The following CYFIP1 variants were observed in gnomAD, a reference collection of about 807,000 sequenced individuals.
The protein encoded by CYFIP1 is cytoplasmic FMR1-interacting protein 1.
Under a neutral mutation model 163.5 loss-of-function variants are expected in CYFIP1, and 58 were observed. The ratio of observed to expected loss-of-function variants is 0.35; its 90% CI spans 0.29 to 0.44. The LOEUF (loss-of-function observed/expected upper bound fraction) is 0.44. Among genes scored for constraint, CYFIP1 ranks in the 20% least tolerant of loss-of-function variants. The pLI is 1.00. For missense variants in CYFIP1, 1,338 were observed against 1,653.8 expected (o/e 0.81, Z 3.31); for synonymous variants, 663 against 660.7 (o/e 1.00, Z -0.05).
chr15:22,923,772 A>G (rs915294742), intron 13 of CYFIP1, among the ~76,000 whole-genome samples: 1 of 151,842 alleles, frequency 6.6e-6, no homozygotes, highest in African/African-American at 2.4e-5. Context: ...GTGAGACCCC[A>G]TCTCTACAAA....
intron 23 of CYFIP1, among the ~76,000 whole-genome samples, chr15:22,885,823 G>A (rs1365244968): frequency 3.9e-5 from 6 of 152,180 alleles, no homozygotes; most frequent in East Asian, 1.9e-4. Context: ...GGAGCCCTCC[G>A]AACTGTTCCA....
chr15:22,942,490 C>T (rs942641677), intron 6 of CYFIP1, among the ~76,000 whole-genome samples: 25 of 152,096 alleles, frequency 1.6e-4, no homozygotes, highest in African/African-American at 5.8e-4. Context: ...GAACGCCGGT[C>T]GGCAGCGCGC....
intron 1 of CYFIP1, among the ~76,000 whole-genome samples, chr15:22,954,167 G>A (rs1325292266): frequency 6.6e-6 from 1 of 152,168 alleles, no homozygotes; most frequent in African/African-American, 2.4e-5. Flanking sequence ...TCAGAGCAGG[G>A]CAATGCGTGA....
chr15:22,924,831 G>A (rs892904354), intron 13 of CYFIP1, among the ~76,000 whole-genome samples: 2 of 152,066 alleles, frequency 1.3e-5, no homozygotes, highest in East Asian at 1.9e-4. Flanking sequence ...CAGCACTTTC[G>A]GAGGCTGAGG....
chr15:22,882,067 G>T, intron 24 of CYFIP1, 131 bp from the exon 25 acceptor site: 1 of 736,074 alleles, frequency 1.4e-6, no homozygotes, highest in Non-Finnish European at 2.2e-6. Flanking sequence ...GGATCGTCTG[G>T]CTGGGGAATA....
chr15:22,944,975 G>A (rs1242664225), intron 3 of CYFIP1, 36 bp from the exon 4 acceptor site: 12 of 1,585,546 alleles, frequency 7.6e-6, no homozygotes, highest in Non-Finnish European at 1.0e-5. Context: ...AAGGCAGGCG[G>A]GGGAACTAGC....
intron 23 of CYFIP1, 73 bp from the exon 24 acceptor site, chr15:22,883,084 T>C (rs991997498): frequency 6.5e-7 from 1 of 1,544,978 alleles, no homozygotes; most frequent in Non-Finnish European, 8.8e-7. Flanking sequence ...TGTGAGAAGA[T>C]CACTCAACAC....
intron 11 of CYFIP1, among the ~76,000 whole-genome samples, chr15:22,928,997 T>C (rs1475039512): frequency 2.6e-5 from 4 of 151,872 alleles, no homozygotes; most frequent in South Asian, 4.2e-4. Context: ...GGCAGGTGGA[T>C]TGCCTGAGGT....
chr15:22,874,514 G>T, intron 28 of CYFIP1, 36 bp downstream of exon 28: 1 of 1,503,986 alleles, frequency 6.6e-7, no homozygotes, highest in South Asian at 1.3e-5. Flanking sequence ...TGGATGCCCA[G>T]CTTGCAACAG....
intron 1 of CYFIP1, among the ~76,000 whole-genome samples, chr15:22,966,291 C>G (rs542551006): frequency 6.6e-6 from 1 of 151,088 alleles, no homozygotes; most frequent in Admixed American, 6.6e-5. Flanking sequence ...GAGAATCGCT[C>G]GAACCCGGGA....
intron 26 of CYFIP1, among the ~76,000 whole-genome samples, chr15:22,877,087 T>C (rs1335189184): frequency 1.3e-5 from 2 of 152,164 alleles, no homozygotes; most frequent in Non-Finnish European, 2.9e-5. Flanking sequence ...CCAAAACTCA[T>C]GGTGAAATTT....
chr15:22,874,592 C>T lies in CYFIP1; in HGVS notation c.3168G>A (p.Pro1056=), dbSNP rs762924760. 5.4e-5 allele frequency: 87 copies of T among 1,606,886 alleles called. No individual in the cohort carries two copies. The highest frequency in any genetic ancestry group is 2.0e-4 in the East Asian group (9 of 44,336). ...KMKRLESKYA[P]LHLVPLIERL... is the part of the protein sequence containing the mutation. ...TTTCAATCAGTGGGACAAGATGCAG[C>T]GGGGCGTACTTTGATTCTAGTCTTT... Residue 1056 remains proline (P), a synonymous_variant, in exon 28 of 31, where the codon CCG becomes CCA. Coordinates refer to ENST00000617928, the MANE Select transcript of CYFIP1 (RefSeq NM_014608.6).
chr15:22,957,057 G>A (rs2062485922), intron 1 of CYFIP1, among the ~76,000 whole-genome samples: 1 of 152,240 alleles, frequency 6.6e-6, no homozygotes, highest in African/African-American at 2.4e-5. Context: ...AAATGCAGAA[G>A]CGAAGGCGTC....
chr15:22,980,131 CGGAGGCCGCGCCGCCGG>C lies in CYFIP1; in HGVS notation c.-7+139_-7+155del, dbSNP rs1282357861. On this transcript the variant is annotated intron_variant, in intron 1 of 30. Coordinates refer to ENST00000617928, the MANE Select transcript of CYFIP1 (RefSeq NM_014608.6). ...GGGGACGCGGGGACCAGGACGATCCCGGAGGCCGCGCCGCCGGGGAGGCCGCGCCGCCGGGGTTGGGG... is the reference window on the plus strand; with the variant it reads ...GGGGACGCGGGGACCAGGACGATCCCGGAGGCCGCGCCGCCGGGGTTGGGG... 9.3e-3 allele frequency among the ~76,000 whole-genome samples: 966 copies of C among 104,020 alleles called. 16 individuals are homozygous for C. In the South Asian group the frequency reaches 0.095, roughly 10 times the overall value. The allele number at this position is 104,020 out of a possible 152,430, so 68.2% of individuals were successfully genotyped here.
rs1436589694 is a variant in CYFIP1, at chr15:22,877,876, G to C, written c.3042+2037C>G. ...ATGGAGGCTGTCAGCTCCCAGGCGTGTCACGCCTGACCTCGGACTCCCCTG... is the reference window on the plus strand; with the variant it reads ...ATGGAGGCTGTCAGCTCCCAGGCGTCTCACGCCTGACCTCGGACTCCCCTG... On this transcript the variant is annotated intron_variant, in intron 26 of 30. Transcript: ENST00000617928. Among the ~76,000 whole-genome samples the C allele has an allele frequency of 1.3e-5, 2 of 152,260 alleles. 1 individual carries two copies. The highest frequency in any genetic ancestry group is 1.3e-4 in the Admixed American group (2 of 15,288).
intron 21 of CYFIP1, among the ~76,000 whole-genome samples, chr15:22,905,984 C>T (rs974586302): frequency 6.6e-6 from 1 of 152,066 alleles, no homozygotes; most frequent in Non-Finnish European, 1.5e-5. Flanking sequence ...TGGTCTTGAT[C>T]TCCTGACCTC....
chr15:22,943,709 T>C (rs552274606), intron 5 of CYFIP1, among the ~76,000 whole-genome samples: 1 of 152,338 alleles, frequency 6.6e-6, no homozygotes, highest in South Asian at 2.1e-4. Context: ...TTTTTCCTCT[T>C]GGTAACTTTC....
At chr15:22,963,904 G>A (rs894867902) in intron 1 of CYFIP1, among the ~76,000 whole-genome samples, 3 of 152,090 alleles carry the variant, frequency 2.0e-5, no homozygotes, top group African/African-American at 7.2e-5. Context: ...AGTCAGCCCC[G>A]GGAATAAACA....
intron 1 of CYFIP1, among the ~76,000 whole-genome samples, chr15:22,969,748 G>A (rs1210705562): frequency 6.6e-6 from 1 of 152,146 alleles, no homozygotes; most frequent in Non-Finnish European, 1.5e-5. Context: ...CCAACTATAT[G>A]CTATCCACTA....
Sources: gnomAD v4.1 joint callset for allele counts (sites outside exome capture counted in the v4.1 genomes callset) on GRCh38, gnomAD v4.1.1 for gene constraint, MANE v1.5 for transcripts, NCBI Gene and HGNC (gene_info 2026-07-23, HGNC 2026-07-21) for gene names.